The following AGMO variants were observed in gnomAD, a reference collection of about 807,000 sequenced individuals.
AGMO encodes alkylglycerol monooxygenase.
A neutral mutation model predicts 60.2 loss-of-function variants in AGMO; 75 were observed. The observed-to-expected ratio is 1.25, with a 90% CI of 1.03 to 1.51. The LOEUF (loss-of-function observed/expected upper bound fraction) is 1.51. Among genes scored for constraint, AGMO ranks in the 40% most tolerant of loss-of-function variants. The pLI, the probability that AGMO is intolerant of heterozygous loss-of-function variation, is 0.00. For missense variants in AGMO, 763 were observed against 525.5 expected (o/e 1.45, Z -4.42); for synonymous variants, 261 against 177.1 (o/e 1.47, Z -3.76).
In AGMO at chr7:15,394,195, G is replaced by A. The variant is rs763223033; in HGVS notation, c.610-16C>T. ...TATTGATGACCTGTTTAAAACAGAA[G>A]GAATATTTATACATGTAGTTATCAT... On this transcript the variant is annotated splice_polypyrimidine_tract_variant and intron_variant, in intron 5 of 12. Coordinates refer to ENST00000342526, the MANE Select transcript of AGMO (RefSeq NM_001004320.2). The A allele has an allele frequency of 2.9e-5, 45 of 1,544,284 alleles. No homozygotes were observed. The highest frequency in any genetic ancestry group is 6.7e-5 in the Admixed American group (4 of 59,326).
chr7:15,386,201 A>AGGT (rs1783906345), intron 9 of AGMO, among the ~76,000 whole-genome samples: 1 of 151,182 alleles, frequency 6.6e-6, no homozygotes, highest in Non-Finnish European at 1.5e-5. Flanking sequence ...AAGAAAAAAA[A>AGGT]GGTGATCTTG....
At chr7:15,420,431 T>G (rs1780894346) in intron 4 of AGMO, among the ~76,000 whole-genome samples, 1 of 152,076 alleles carries the variant, frequency 6.6e-6, no homozygotes. Flanking sequence ...AATGGAAAAA[T>G]AAGCTCACTA....
At chr7:15,559,971 C>A (rs902077311) in intron 2 of AGMO, among the ~76,000 whole-genome samples, 170 bp downstream of exon 2, 1 of 151,890 alleles carries the variant, frequency 6.6e-6, no homozygotes, top group African/African-American at 2.4e-5. Flanking sequence ...TAAATAAGTG[C>A]AAAAAATCAA....
At chr7:15,407,557 G>T (rs1048087320) in intron 5 of AGMO, among the ~76,000 whole-genome samples, 16 of 151,504 alleles carry the variant, frequency 1.1e-4, no homozygotes, top group Admixed American at 2.0e-4. Flanking sequence ...GCTGATTCAG[G>T]GTAGTAGCAA....
rs76657249 is a variant in AGMO at position 15,396,575 on chromosome 7, C to T, written c.610-2396G>A. 6.6e-5 allele frequency: 10 copies of T among 152,354 alleles called. No individual in the cohort carries two copies. In the East Asian group the frequency reaches 7.7e-4, roughly 12 times the overall value. The allele number at this position is 152,354 out of a possible 1,614,324, so 9.4% of individuals were successfully genotyped here. A position where few individuals can be genotyped will look rare whatever the true frequency, so the allele number is the denominator to read the frequency against. On this transcript the variant is annotated intron_variant, in intron 5 of 12. Transcript: ENST00000342526. ...AACGAGGAAAAGGACAACAGCTTGC[C>T]GCTCCTTGCTTGGATCGCCAGCTTT...
Position 15,387,560 on chromosome 7 carries a change from A to C in AGMO, c.823-20T>G, listed in dbSNP as rs1180101597. The C allele has an allele frequency of 6.4e-7, 1 of 1,564,866 alleles. No individual in the cohort carries two copies. The highest frequency in any genetic ancestry group is 1.5e-5 in the African/African-American group (1 of 67,608). On this transcript the variant is annotated intron_variant, in intron 8 of 12. Transcript: ENST00000342526. ...ATGGAACTAGAAACAATAAAAAAAG[A>C]GCTTATTTCACATAAGATAAATAGG...
chr7:15,539,665 G>C (rs1390467422), intron 3 of AGMO, among the ~76,000 whole-genome samples: 1 of 152,116 alleles, frequency 6.6e-6, no homozygotes, highest in Non-Finnish European at 1.5e-5. Flanking sequence ...TCAATAACTG[G>C]ATTGCTGTGT....
intron 12 of AGMO, among the ~76,000 whole-genome samples, chr7:15,215,731 G>A (rs1781717484): frequency 1.3e-5 from 2 of 152,122 alleles, no homozygotes; most frequent in Middle Eastern, 3.4e-3. Flanking sequence ...GGAGCTCCAA[G>A]ACTTTATGTA....
the AGMO span, among the ~76,000 whole-genome samples, chr7:15,190,127 TTATATATATATATATATATATATATATA>T: frequency 6.5e-4 from 1 of 1,530 alleles, no homozygotes; most frequent in African/African-American, 2.3e-3. Flanking sequence ...ATATATATAT[TTATATATATATATATATATATATATATA>T]TATTTATATA....
At chr7:15,465,188 T>C (rs576529143) in intron 3 of AGMO, among the ~76,000 whole-genome samples, 9 of 152,108 alleles carry the variant, frequency 5.9e-5, no homozygotes, top group African/African-American at 1.9e-4. Flanking sequence ...AAGGATTACC[T>C]ATTGCGAGCC....
chr7:15,202,474 A>C (rs943511342), intron 12 of AGMO, among the ~76,000 whole-genome samples: 3 of 143,554 alleles, frequency 2.1e-5, no homozygotes, highest in Non-Finnish European at 3.0e-5. Context: ...AAAAAAAAAA[A>C]AAAAAAAAAA....
chr7:15,368,007 C>T, intron 10 of AGMO, among the ~76,000 whole-genome samples: 1 of 152,034 alleles, frequency 6.6e-6, no homozygotes, highest in East Asian at 1.9e-4. Context: ...AAACCAGCCC[C>T]ATCTCTCACG....
the AGMO span, among the ~76,000 whole-genome samples, chr7:15,127,743 A>G: frequency 1.3e-5 from 2 of 152,260 alleles, no homozygotes; most frequent in East Asian, 3.9e-4. Context: ...TTAAGTCAAT[A>G]TTTTAATGAA....
chr7:15,134,438 C>T, the AGMO span, among the ~76,000 whole-genome samples: 120,404 of 152,046 alleles, frequency 0.79, 49,173 homozygotes, highest in East Asian at 0.99. Context: ...TTGTTTTCAA[C>T]CCTCACTCTC....
intron 12 of AGMO, among the ~76,000 whole-genome samples, chr7:15,252,317 T>C (rs1782962664): frequency 6.6e-6 from 1 of 152,216 alleles, no homozygotes; most frequent in Non-Finnish European, 1.5e-5. Context: ...CCATGAGCCC[T>C]GCCTTCTAGT....
At chr7:15,289,697 A>G (rs918898767) in intron 12 of AGMO, among the ~76,000 whole-genome samples, 3 of 152,104 alleles carry the variant, frequency 2.0e-5, no homozygotes, top group South Asian at 2.1e-4. Flanking sequence ...CTAAGGAGTA[A>G]TTCAAAGAAA....
At chr7:15,215,482 T>C (rs529125669) in intron 12 of AGMO, among the ~76,000 whole-genome samples, 1 of 152,120 alleles carries the variant, frequency 6.6e-6, no homozygotes, top group South Asian at 2.1e-4. Flanking sequence ...GCTGGGTCAG[T>C]AGGAATGATA....
chr7:15,221,551 G>A (rs1411641579), intron 12 of AGMO, among the ~76,000 whole-genome samples: 1 of 152,078 alleles, frequency 6.6e-6, no homozygotes, highest in East Asian at 1.9e-4. Context: ...CAGGGTTTTG[G>A]TTTCACAGCA....
the AGMO span, among the ~76,000 whole-genome samples, chr7:15,135,517 G>T: frequency 3.3e-5 from 5 of 152,006 alleles, no homozygotes; most frequent in Non-Finnish European, 7.4e-5. Flanking sequence ...GAATGAAAAG[G>T]GTTGTTTTAA....
Sources: gnomAD v4.1 joint callset for allele counts (sites outside exome capture counted in the v4.1 genomes callset) on GRCh38, gnomAD v4.1.1 for gene constraint, MANE v1.5 for transcripts, NCBI Gene and HGNC (gene_info 2026-07-23, HGNC 2026-07-21) for gene names.